PCED1B: variants seen among roughly 807,000 people sequenced by gnomAD.
The protein encoded by PCED1B is PC-esterase domain-containing protein 1B.
For missense variants in PCED1B, 573 were observed against 573.9 expected (o/e 1.00, Z 0.02); for synonymous variants, 251 against 246.1 (o/e 1.02, Z -0.19).
chr12:47,086,659 A>G (rs1311016737), intron 1 of PCED1B, among the ~76,000 whole-genome samples: 1 of 152,224 alleles, frequency 6.6e-6, no homozygotes, highest in African/African-American at 2.4e-5. Flanking sequence ...AATTATCGTT[A>G]TCTCTTGAGA....
At chr12:47,166,697 C>T (rs1941554959) in intron 2 of PCED1B, among the ~76,000 whole-genome samples, 1 of 152,024 alleles carries the variant, frequency 6.6e-6, no homozygotes, top group Admixed American at 6.6e-5. Context: ...AGTAACTAAT[C>T]AAGATGAGGT....
intron 2 of PCED1B, among the ~76,000 whole-genome samples, chr12:47,177,115 C>A (rs1941948625): frequency 6.6e-6 from 1 of 152,134 alleles, no homozygotes; most frequent in Non-Finnish European, 1.5e-5. Flanking sequence ...GAGTGAGTAG[C>A]TTAGGCTGTG....
At chr12:47,177,798 A>G (rs1358210581) in intron 2 of PCED1B, among the ~76,000 whole-genome samples, 1 of 152,152 alleles carries the variant, frequency 6.6e-6, no homozygotes, top group Non-Finnish European at 1.5e-5. Context: ...TACTAAAAAT[A>G]CAAAAATTAA....
chr12:47,079,801 G>A (rs1225103658), intron 1 of PCED1B, 76 bp downstream of exon 1: 1 of 149,694 alleles, frequency 6.7e-6, no homozygotes, highest in Non-Finnish European at 1.5e-5. Flanking sequence ...CCGCGGGAGG[G>A]GGCGCAGGCA....
rs953244665 is a variant in PCED1B, at chr12:47,216,335, C to A, written c.-412C>A. The stretch of plus-strand genomic sequence containing the variant: ...ATTACTGAGAAAGGTGAAATGAAAA[C>A]AAGCTCAAAACCAAATTCCAGGAAG... On this transcript the variant is annotated 5_prime_UTR_variant, in exon 3 of 4. Transcript: ENST00000546455. The A allele has an allele frequency of 1.3e-5, 2 of 152,180 alleles. No individual in the cohort carries two copies. The highest frequency in any genetic ancestry group is 4.8e-5 in the African/African-American group (2 of 41,438). The allele number at this position is 152,180 out of a possible 1,614,324, so 9.4% of individuals were successfully genotyped here.
intron 2 of PCED1B, among the ~76,000 whole-genome samples, chr12:47,164,646 G>GC (rs2137521780): frequency 6.6e-6 from 1 of 152,324 alleles, no homozygotes; most frequent in South Asian, 2.1e-4. Context: ...ACTAGGCATT[G>GC]CCCCTGTGGG....
intron 3 of PCED1B, among the ~76,000 whole-genome samples, chr12:47,228,776 G>A (rs957304543): frequency 6.6e-6 from 1 of 151,916 alleles, no homozygotes; most frequent in Non-Finnish European, 1.5e-5. Context: ...AGGAGGCTGA[G>A]GCAGGAGAAT....
At chr12:47,175,518 C>G (rs929081111) in intron 2 of PCED1B, among the ~76,000 whole-genome samples, 2 of 152,080 alleles carry the variant, frequency 1.3e-5, no homozygotes, top group Admixed American at 1.3e-4. Flanking sequence ...AATCCCACTT[C>G]AGAATTCAGA....
In PCED1B at chr12:47,226,319, T is replaced by C. The variant is rs12822535; in HGVS notation, c.-57-8688T>C. On this transcript the variant is annotated intron_variant, in intron 3 of 3. Transcript: ENST00000546455. ...GTACTTAATTTACATACATCCGTTT[T>C]AGCAGCCAGCTCTTTAAGTGCCCAT... Among the ~76,000 whole-genome samples, 1,457 of 152,330 alleles carry C rather than the reference T, an allele frequency of 9.6e-3. 9 individuals are homozygous for C. The highest frequency in any genetic ancestry group is 0.017 in the Admixed American group (256 of 15,298).
In PCED1B at chr12:47,236,452, T is replaced by C. The variant is rs956254543; in HGVS notation, c.*90T>C. 1 of 1,311,600 alleles carries C rather than the reference T, an allele frequency of 7.6e-7. No individual in the cohort carries two copies. The highest frequency in any genetic ancestry group is 1.5e-5 in the African/African-American group (1 of 66,820). 81.2% of individuals were successfully genotyped at this position (1,311,600 alleles called of 1,614,324 possible). On this transcript the variant is annotated 3_prime_UTR_variant, in exon 4 of 4. Transcript: ENST00000546455. ...TTGCTTGGCCTGAACAGACTGACCT[T>C]GTTAACTTAAGCCTGGAGTCCATGC...
intron 2 of PCED1B, among the ~76,000 whole-genome samples, chr12:47,118,770 A>G (rs1384279425): frequency 1.3e-5 from 2 of 152,102 alleles, no homozygotes; most frequent in Non-Finnish European, 2.9e-5. Flanking sequence ...GAATCTATAA[A>G]TTACCTTGGG....
chr12:47,100,312 G>A (rs1408285331), intron 1 of PCED1B, among the ~76,000 whole-genome samples: 2 of 152,146 alleles, frequency 1.3e-5, no homozygotes, highest in African/African-American at 2.4e-5. Flanking sequence ...TGGTACAATT[G>A]TAGGATTTAT....
intron 1 of PCED1B, among the ~76,000 whole-genome samples, chr12:47,091,635 G>A (rs1463882639): frequency 1.3e-5 from 2 of 151,982 alleles, no homozygotes; most frequent in South Asian, 2.1e-4. Flanking sequence ...TGACTCCAAG[G>A]TCATGAAGAT....
chr12:47,202,402 A>G (rs1036057792), intron 2 of PCED1B, among the ~76,000 whole-genome samples: 1 of 152,152 alleles, frequency 6.6e-6, no homozygotes, highest in Non-Finnish European at 1.5e-5. Flanking sequence ...GGCTTTTGCT[A>G]CAGCTAGAAG....
intron 3 of PCED1B, among the ~76,000 whole-genome samples, chr12:47,217,543 G>GAAAA (rs1565608295): frequency 6.6e-6 from 1 of 150,716 alleles, no homozygotes; most frequent in African/African-American, 2.4e-5. Context: ...GAAAAGAAAA[G>GAAAA]GAAAGAAAGA....
intron 2 of PCED1B, among the ~76,000 whole-genome samples, chr12:47,164,229 C>T (rs1254649339): frequency 2.0e-5 from 3 of 152,148 alleles, no homozygotes; most frequent in Non-Finnish European, 4.4e-5. Context: ...TTAATGTGCT[C>T]CATCACCAAA....
chr12:47,155,804 G>C (rs1361322583), intron 2 of PCED1B, among the ~76,000 whole-genome samples: 1 of 152,194 alleles, frequency 6.6e-6, no homozygotes, highest in Non-Finnish European at 1.5e-5. Flanking sequence ...GAATGTCTTT[G>C]AGAATGGTAC....
chr12:47,161,931 C>A (rs1459162561), intron 2 of PCED1B, among the ~76,000 whole-genome samples: 1 of 152,046 alleles, frequency 6.6e-6, no homozygotes, highest in East Asian at 1.9e-4. Context: ...TGCTATGCAG[C>A]CATAAAAAAG....
At chr12:47,197,270 A>T (rs1033473954) in intron 2 of PCED1B, among the ~76,000 whole-genome samples, 4 of 150,858 alleles carry the variant, frequency 2.7e-5, no homozygotes, top group Non-Finnish European at 5.9e-5. Flanking sequence ...AAGATATAAA[A>T]ACATATCTGC....
Sources: allele counts gnomAD v4.1 joint callset (sites outside exome capture counted in the v4.1 genomes callset), GRCh38; gene constraint gnomAD v4.1.1; transcripts MANE v1.5; gene names NCBI Gene and HGNC (gene_info 2026-07-23, HGNC 2026-07-21).